Variants in MARK3 observed in about 807,000 individuals in gnomAD.
MARK3 encodes MAP/microtubule affinity-regulating kinase 3.
In MARK3, 46 loss-of-function variants were observed where a neutral mutation model predicts 90.1. The observed-to-expected ratio is 0.51, with a 90% CI of 0.40 to 0.65. MARK3 has a LOEUF of 0.65. MARK3 is among the 30% of genes least tolerant of loss of function. The probability of loss-of-function intolerance (pLI) is 0.00; values close to 1 mark genes in which losing one functional copy is unlikely to be tolerated. For missense variants in MARK3, 818 were observed against 947.2 expected, an observed-to-expected ratio of 0.86 and a Z score of 1.79; for synonymous variants, 321 against 332.6, an observed-to-expected ratio of 0.97 and a Z score of 0.38.
At chr14:103,448,225 C>G (rs1312359899) in intron 3 of MARK3, among the ~76,000 whole-genome samples, 1 of 152,152 alleles carries the variant, frequency 6.6e-6, no homozygotes, top group Middle Eastern at 3.2e-3. Context: ...TCACAGTGCT[C>G]CAAGAGAGCA....
rs759836191 is a variant in MARK3 at position 103,451,944 on chromosome 14, G to GA, written c.379dup (p.Thr127AsnfsTer13). The GA allele has an allele frequency of 6.2e-7, 1 of 1,611,728 alleles. No homozygotes were observed. The highest frequency in any genetic ancestry group is 1.3e-5 in the African/African-American group (1 of 74,820). ...GAAGTTATTCGAAGTCATTGAAACTGAAAAAACACTCTACCTAATCATGGA... is the reference window on the plus strand; with the variant it reads ...GAAGTTATTCGAAGTCATTGAAACTGAAAAAAACACTCTACCTAATCATGGA... On this transcript the variant is annotated frameshift_variant, in exon 5 of 18. Transcript: ENST00000429436. LOFTEE classifies it high-confidence loss of function.
intron 3 of MARK3, among the ~76,000 whole-genome samples, chr14:103,444,380 G>A (rs1267371658): frequency 6.6e-6 from 1 of 152,156 alleles, no homozygotes; most frequent in Non-Finnish European, 1.5e-5. Flanking sequence ...TCAGTAAGGA[G>A]AGAATTCTTT....
chr14:103,424,135 G>A (rs1370968576), intron 2 of MARK3, among the ~76,000 whole-genome samples: 13 of 152,130 alleles, frequency 8.5e-5, no homozygotes, highest in African/African-American at 2.7e-4. Context: ...GCTCGAACCC[G>A]GGAGGCGGAG....
chr14:103,414,840 A>G (rs557246859), intron 2 of MARK3, among the ~76,000 whole-genome samples: 30 of 152,284 alleles, frequency 2.0e-4, no homozygotes, highest in African/African-American at 6.7e-4. Flanking sequence ...AACATAAAAG[A>G]TACTCACGAA....
chr14:103,488,477 G>A (rs542520048), intron 14 of MARK3, among the ~76,000 whole-genome samples: 20 of 152,282 alleles, frequency 1.3e-4, no homozygotes, highest in Admixed American at 2.6e-4. Context: ...ATAAATTTTT[G>A]CCTTTATAAG....
At chr14:103,483,676 C>T (rs956899928) in intron 14 of MARK3, among the ~76,000 whole-genome samples, 4 of 152,142 alleles carry the variant, frequency 2.6e-5, no homozygotes, top group African/African-American at 4.8e-5. Flanking sequence ...ACCTGTGATT[C>T]GTTTTCTGAG....
chr14:103,451,515 C>G (rs2141340812), intron 4 of MARK3, among the ~76,000 whole-genome samples: 2 of 152,274 alleles, frequency 1.3e-5, no homozygotes, highest in Middle Eastern at 6.8e-3. Flanking sequence ...TAATCATAAG[C>G]AGCTAGATTT....
intron 14 of MARK3, among the ~76,000 whole-genome samples, chr14:103,487,156 A>G (rs540317169): frequency 5.3e-5 from 8 of 150,860 alleles, no homozygotes; most frequent in East Asian, 2.0e-4. Flanking sequence ...GCCTCAAGCA[A>G]TCCACCCGCC....
chr14:103,396,247 G>A (rs906685041), intron 1 of MARK3, among the ~76,000 whole-genome samples: 1 of 152,144 alleles, frequency 6.6e-6, no homozygotes, highest in African/African-American at 2.4e-5. Flanking sequence ...AGAGGTACTT[G>A]TACTACCAGT....
Position 103,385,909 on chromosome 14 carries a change from C to G in MARK3, c.-121C>G. The G allele has an allele frequency of 1.3e-6, 1 of 773,284 alleles. No individual in the cohort carries two copies. Among genetic ancestry groups the G allele is most frequent in the Middle Eastern group, 3.2e-4 (1 of 3,080 alleles). 47.9% of individuals were successfully genotyped at this position (773,284 alleles called of 1,614,324 possible). On this transcript the variant is annotated 5_prime_UTR_variant, in exon 1 of 18. Coordinates refer to ENST00000429436, the MANE Select transcript of MARK3 (RefSeq NM_001128918.3). ...CTAGACGGCCGTAGGGGGAAGGGAG[C>G]CGCCCTCCCCACGGCGCCTTTTCGG...
chr14:103,431,563 G>A lies in MARK3; in HGVS notation c.297+3123G>A, dbSNP rs544015161. Among the ~76,000 whole-genome samples, 37 of 152,224 alleles carry A rather than the reference G, an allele frequency of 2.4e-4. 1 individual carries two copies. Among genetic ancestry groups the A allele is most frequent in the Non-Finnish European group, 5.3e-4 (36 of 68,012 alleles). ...GGAGAATTGCTTGAACCCAGGAGGC[G>A]ACAGAACAAGACTTTGTCTCAAAAA... is the stretch of plus-strand genomic sequence containing the variant. On this transcript the variant is annotated intron_variant, in intron 3 of 17. Coordinates refer to ENST00000429436, the MANE Select transcript of MARK3 (RefSeq NM_001128918.3).
chr14:103,448,928 GAAGT>G lies in MARK3; in HGVS notation c.311_314del (p.Val104GlufsTer2), dbSNP rs1469581908. On this transcript the variant is annotated frameshift_variant, in exon 4 of 18. Coordinates refer to ENST00000429436, the MANE Select transcript of MARK3 (RefSeq NM_001128918.3). LOFTEE classifies it high-confidence loss of function. ...TTGTTTTTTTTTTTAGCTCTTCAGAGAAGTAAGAATAATGAAGATTTTAAATCAT... is the reference window on the plus strand; with the variant it reads ...TTGTTTTTTTTTTTAGCTCTTCAGAGAAGAATAATGAAGATTTTAAATCAT... 1 of 1,559,294 alleles carries G rather than the reference GAAGT, an allele frequency of 6.4e-7. No homozygotes were observed. Among genetic ancestry groups the G allele is most frequent in the African/African-American group, 1.4e-5 (1 of 72,586 alleles).
intron 15 of MARK3, among the ~76,000 whole-genome samples, chr14:103,496,212 A>G (rs1041069190): frequency 6.6e-6 from 1 of 152,154 alleles, no homozygotes; most frequent in Non-Finnish European, 1.5e-5. Flanking sequence ...TTTATACCTC[A>G]AGGGATTATA....
At chr14:103,442,057 G>A (rs1740263053) in intron 3 of MARK3, among the ~76,000 whole-genome samples, 1 of 152,110 alleles carries the variant, frequency 6.6e-6, no homozygotes, top group South Asian at 2.1e-4. Context: ...AGGGGGAAAA[G>A]GTACATATCT....
chr14:103,484,289 T>C (rs2093882680), intron 14 of MARK3, among the ~76,000 whole-genome samples: 1 of 152,142 alleles, frequency 6.6e-6, no homozygotes, highest in African/African-American at 2.4e-5. Context: ...GCAGTTCTTC[T>C]GCCTCAGCCT....
chr14:103,477,634 A>G (rs2093737419), intron 13 of MARK3, among the ~76,000 whole-genome samples: 1 of 151,674 alleles, frequency 6.6e-6, no homozygotes, highest in Non-Finnish European at 1.5e-5. Context: ...GTACACTCAC[A>G]GTATTGTGCA....
intron 5 of MARK3, among the ~76,000 whole-genome samples, chr14:103,455,752 C>T (rs2093264468): frequency 6.7e-6 from 1 of 148,982 alleles, no homozygotes; most frequent in Non-Finnish European, 1.5e-5. Flanking sequence ...AAGCATTATG[C>T]AATCAAGTAA....
chr14:103,401,463 A>G (rs1211189476), intron 1 of MARK3, among the ~76,000 whole-genome samples: 1 of 152,176 alleles, frequency 6.6e-6, no homozygotes, highest in Admixed American at 6.5e-5. Context: ...ACTTCTGCTC[A>G]CACCAAGTCT....
intron 2 of MARK3, among the ~76,000 whole-genome samples, chr14:103,420,342 A>C (rs2092155738): frequency 6.6e-6 from 1 of 151,882 alleles, no homozygotes; most frequent in Non-Finnish European, 1.5e-5. Flanking sequence ...CAGTCCTTCC[A>C]CCTCAGCCTC....
Sources: gnomAD v4.1 joint callset for allele counts (sites outside exome capture counted in the v4.1 genomes callset) on GRCh38, gnomAD v4.1.1 for gene constraint, MANE v1.5 for transcripts, NCBI Gene and HGNC (gene_info 2026-07-23, HGNC 2026-07-21) for gene names.